KIAA1217: variants seen among roughly 807,000 people sequenced by gnomAD.
KIAA1217 encodes the protein sickle tail protein homolog.
A neutral mutation model predicts 163.9 loss-of-function variants in KIAA1217; 88 were observed. That is an observed-to-expected ratio of 0.54 (90% CI 0.45 to 0.64). The LOEUF (loss-of-function observed/expected upper bound fraction) is 0.64. KIAA1217 is among the 30% of genes least tolerant of loss of function. The pLI, the probability that KIAA1217 is intolerant of heterozygous loss-of-function variation, is 0.00. For missense variants in KIAA1217, 2,372 were observed against 2,475.0 expected, an observed-to-expected ratio of 0.96 and a Z score of 0.88; for synonymous variants, 903 against 923.1, an observed-to-expected ratio of 0.98 and a Z score of 0.39.
At chr10:23,986,798 T>C (rs1055990033) in intron 1 of KIAA1217, among the ~76,000 whole-genome samples, 6 of 152,358 alleles carry the variant, frequency 3.9e-5, no homozygotes, top group Admixed American at 2.6e-4. Context: ...TTGTGCAGTG[T>C]ACAATACAAG....
intron 1 of KIAA1217, among the ~76,000 whole-genome samples, chr10:23,993,711 A>C (rs1444379618): frequency 2.0e-5 from 3 of 151,764 alleles, no homozygotes; most frequent in African/African-American, 7.3e-5. Flanking sequence ...GCATGCTACC[A>C]CACCCAGCTA....
chr10:23,957,666 G>A (rs1844628833), intron 1 of KIAA1217, among the ~76,000 whole-genome samples: 3 of 152,126 alleles, frequency 2.0e-5, no homozygotes, highest in South Asian at 4.2e-4. Context: ...AGGTTGCAGT[G>A]AGCCGAGATC....
At chr10:24,249,896 C>T (rs575554659) in intron 2 of KIAA1217, among the ~76,000 whole-genome samples, 3 of 152,138 alleles carry the variant, frequency 2.0e-5, no homozygotes, top group Non-Finnish European at 4.4e-5. Context: ...CGCTGTGAAA[C>T]CGGTGGCTCA....
In KIAA1217 at chr10:24,528,170, A is replaced by G. The variant is rs370722686; in HGVS notation, c.3082+51A>G. On this transcript the variant is annotated intron_variant, in intron 14 of 20. Transcript: ENST00000376454. ...TATATGGAGGTACATGGCTTTGGGC[A>G]AATACAGTGCCATCCACGACAGCAC... is the stretch of plus-strand genomic sequence containing the variant. 4 of 1,516,670 alleles carry G rather than the reference A, an allele frequency of 2.6e-6. No homozygotes were observed. In the African/African-American group the frequency reaches 5.5e-5, roughly 21 times the overall value. The allele number at this position is 1,516,670 out of a possible 1,614,324, so 94.0% of individuals were successfully genotyped here.
chr10:24,202,003 G>A lies in KIAA1217; in HGVS notation c.-170-17623G>A, dbSNP rs544150167. Among the ~76,000 whole-genome samples, 687 of 152,246 alleles carry A rather than the reference G, an allele frequency of 4.5e-3. 5 individuals are homozygous for A. Among genetic ancestry groups the A allele is most frequent in the Non-Finnish European group, 4.3e-3 (292 of 68,022 alleles). On this transcript the variant is annotated intron_variant, in intron 2 of 18. Transcript: ENST00000376462. ...ACCCCCGAGGGAGTGCAGGCTGCACGCAGGCAGGCGGCCCAGCCCCGGGTG... is the reference window on the plus strand; with the variant it reads ...ACCCCCGAGGGAGTGCAGGCTGCACACAGGCAGGCGGCCCAGCCCCGGGTG...
At chr10:24,524,864 A>G (rs2071850093) in intron 13 of KIAA1217, 100 bp downstream of exon 13, 38 of 1,087,468 alleles carry the variant, frequency 3.5e-5, no homozygotes, top group East Asian at 2.5e-4. Context: ...ATGATTGTGT[A>G]TGGATCAGAG....
intron 10 of KIAA1217, among the ~76,000 whole-genome samples, chr10:24,514,416 T>C (rs2069715059): frequency 6.6e-6 from 1 of 152,194 alleles, no homozygotes; most frequent in African/African-American, 2.4e-5. Context: ...TCGCCCTGGA[T>C]GCCAACCTAA....
At chr10:23,850,183 C>T (rs953134549) in intron 1 of KIAA1217, among the ~76,000 whole-genome samples, 23 of 152,072 alleles carry the variant, frequency 1.5e-4, no homozygotes, top group African/African-American at 5.3e-4. Flanking sequence ...CAGGATCACT[C>T]AGCAGCCTCT....
At chr10:23,804,674 G>A (rs1180067744) in intron 1 of KIAA1217, among the ~76,000 whole-genome samples, 2 of 152,128 alleles carry the variant, frequency 1.3e-5, no homozygotes, top group African/African-American at 4.8e-5. Flanking sequence ...CGTTGCCAGT[G>A]TCTGAAGTAT....
chr10:23,990,609 C>T (rs1380140178), intron 1 of KIAA1217, among the ~76,000 whole-genome samples: 1 of 152,118 alleles, frequency 6.6e-6, no homozygotes, highest in African/African-American at 2.4e-5. Flanking sequence ...TTTAGGAAAG[C>T]ATGCACTTTG....
intron 2 of KIAA1217, among the ~76,000 whole-genome samples, chr10:24,226,870 A>G (rs1348965894): frequency 1.3e-5 from 2 of 152,076 alleles, no homozygotes; most frequent in Non-Finnish European, 2.9e-5. Flanking sequence ...TTATGTCTTC[A>G]TTAATGAATA....
intron 2 of KIAA1217, among the ~76,000 whole-genome samples, chr10:24,179,623 C>G (rs1471655656): frequency 6.6e-6 from 1 of 152,086 alleles, no homozygotes; most frequent in Non-Finnish European, 1.5e-5. Context: ...GAGTCTCACT[C>G]TGTCACCCAG....
chr10:23,988,526 C>A (rs1244848611), intron 1 of KIAA1217, among the ~76,000 whole-genome samples: 1 of 152,092 alleles, frequency 6.6e-6, no homozygotes, highest in Admixed American at 6.5e-5. Flanking sequence ...TATTTCTGAA[C>A]CATCTTACTT....
At chr10:24,276,211 G>C (rs995255302) in intron 2 of KIAA1217, among the ~76,000 whole-genome samples, 2 of 152,190 alleles carry the variant, frequency 1.3e-5, no homozygotes, top group African/African-American at 4.8e-5. Context: ...AATGGAGTTT[G>C]ATGCCATTTG....
chr10:23,711,091 T>C (rs1475468527), intron 1 of KIAA1217, among the ~76,000 whole-genome samples: 1 of 152,074 alleles, frequency 6.6e-6, no homozygotes, highest in African/African-American at 2.4e-5. Flanking sequence ...ACAGAAGGAG[T>C]GAGGCACCAG....
chr10:23,737,597 A>G (rs1236675847), intron 1 of KIAA1217, among the ~76,000 whole-genome samples: 1 of 152,148 alleles, frequency 6.6e-6, no homozygotes, highest in Admixed American at 6.5e-5. Flanking sequence ...TATCAGTTTA[A>G]TATGGAATTT....
At chr10:24,257,454 T>G (rs962421068) in intron 2 of KIAA1217, among the ~76,000 whole-genome samples, 8 of 152,192 alleles carry the variant, frequency 5.3e-5, no homozygotes, top group African/African-American at 2.4e-5. Context: ...TTTCTCATTT[T>G]CTTTTTTACT....
Position 24,092,930 on chromosome 10 carries a change from G to T in KIAA1217, c.-171+85556G>T, listed in dbSNP as rs11813012. On this transcript the variant is annotated intron_variant, in intron 2 of 18. Transcript: ENST00000376462. Reference sequence around the variant, plus strand: ...GTGTGTGTGTGTGTGTGTGTGTGTTGTGTGTGTGTGTGTGTGTGTGTGTGA... The same window carrying T: ...GTGTGTGTGTGTGTGTGTGTGTGTTTTGTGTGTGTGTGTGTGTGTGTGTGA... Among the ~76,000 whole-genome samples the T allele has an allele frequency of 4.4e-4, 55 of 125,896 alleles. 1 individual carries two copies. The highest frequency in any genetic ancestry group is 8.3e-4 in the East Asian group (4 of 4,844). The allele number at this position is 125,896 out of a possible 152,430, so 82.6% of individuals were successfully genotyped here. A position where few individuals can be genotyped will look rare whatever the true frequency, so the allele number is the denominator to read the frequency against.
At chr10:23,750,692 C>T (rs893668586) in intron 1 of KIAA1217, among the ~76,000 whole-genome samples, 2 of 152,144 alleles carry the variant, frequency 1.3e-5, no homozygotes, top group African/African-American at 4.8e-5. Flanking sequence ...TTGATATACA[C>T]TTGTTCAATT....
Sources: allele counts gnomAD v4.1 joint callset (sites outside exome capture counted in the v4.1 genomes callset), GRCh38; gene constraint gnomAD v4.1.1; transcripts MANE v1.5; gene names NCBI Gene and HGNC (gene_info 2026-07-23, HGNC 2026-07-21).